Variants in DROSHA observed in about 807,000 individuals in gnomAD.
The protein encoded by DROSHA is drosha ribonuclease III.
In DROSHA, 56 loss-of-function variants were observed where a neutral mutation model predicts 181.9. The ratio of observed to expected loss-of-function variants is 0.31; its 90% CI spans 0.25 to 0.38. The LOEUF (loss-of-function observed/expected upper bound fraction) is 0.38. DROSHA is among the 10% of genes least tolerant of loss of function. The pLI is 1.00. For missense variants in DROSHA, 1,218 were observed against 1,743.5 expected (o/e 0.70, Z 5.37); for synonymous variants, 524 against 591.2 (o/e 0.89, Z 1.65).
Position 31,526,164 on chromosome 5 carries a change from C to G in DROSHA, c.769G>C (p.Asp257His), listed in dbSNP as rs545917535. The G allele has an allele frequency of 1.2e-6, 2 of 1,613,752 alleles. No individual in the cohort carries two copies. Among genetic ancestry groups the G allele is most frequent in the Admixed American group, 1.7e-5 (1 of 60,006 alleles). ...LDRRERGRSPDRRRQDSRYRS... is the reference protein window; with the variant it reads ...LDRRERGRSPHRRRQDSRYRS... ...TACCGGCTGTCTTGTCTTCTCCTGT[C>G]GGGACTGCGGCCTCGCTCCCGCCGA... Residue 257 changes from aspartate (D) to histidine (H), a missense_variant, in exon 5 of 36, where the codon GAC (aspartate) becomes CAC (histidine). By Grantham distance (81) the Asp-to-His change is moderately conservative (BLOSUM62 -1). This residue lies in a region of DROSHA where 536 missense variants were observed against 535.4 expected (regional missense o/e 1.00). Transcript: ENST00000344624.
chr5:31,472,870 G>C (rs987233180), intron 16 of DROSHA, among the ~76,000 whole-genome samples: 2 of 151,964 alleles, frequency 1.3e-5, no homozygotes, highest in African/African-American at 4.8e-5. Context: ...CAAGTACAGG[G>C]GATAAAAATA....
chr5:31,475,266 C>T (rs11959123), intron 16 of DROSHA, among the ~76,000 whole-genome samples: 6,458 of 152,110 alleles, frequency 0.042, 455 homozygotes, highest in African/African-American at 0.15. Context: ...TGCAGTGAGC[C>T]GTAACTGTGC....
chr5:31,508,652 T>A lies in DROSHA; in HGVS notation c.1556A>T (p.His519Leu). ...TGGATCGTTGTACCAAAGTTCATCA[T>A]GAAGTCGGTCAGGGTGGGCCTTTTT... Reference protein sequence around the residue: ...KRKKAHPDRLHDELWYNDPGQ... With the variant: ...KRKKAHPDRLLDELWYNDPGQ... Residue 519 changes from histidine (H) to leucine (L), a missense_variant, in exon 10 of 36, where the codon CAT (histidine) becomes CTT (leucine). His to Leu is a moderately conservative substitution (Grantham distance 99, BLOSUM62 -3). Transcript: ENST00000344624. 1 of 1,613,976 alleles carries A rather than the reference T, an allele frequency of 6.2e-7. No homozygotes were observed.
Position 31,435,838 on chromosome 5 carries a change from C to A in DROSHA, c.2969G>T (p.Ser990Ile), listed in dbSNP as rs1744718981. 6.2e-7 allele frequency: 1 copy of A among 1,613,242 alleles called. No homozygotes were observed. ...GGTTGCTAATCCTCCTTCTTCCAGA[C>A]TAGGAAACAAATAGTACAAATGGAC... ...TSVHLYYLFPSLEEGGLATYR... is the reference protein window; with the variant it reads ...TSVHLYYLFPILEEGGLATYR... Residue 990 changes from serine to isoleucine, a missense_variant, in exon 25 of 36, where the codon AGT becomes ATT. By Grantham distance (142) the Ser-to-Ile change is moderately radical. Coordinates refer to ENST00000344624, the MANE Select transcript of DROSHA (RefSeq NM_001382508.1).
chr5:31,477,769 C>T (rs961098121), intron 16 of DROSHA, among the ~76,000 whole-genome samples: 13 of 152,264 alleles, frequency 8.5e-5, no homozygotes, highest in Admixed American at 7.9e-4. Flanking sequence ...CAGAATAAAA[C>T]CTTATACTCA....
chr5:31,496,560 T>C (rs1457204042), intron 11 of DROSHA, among the ~76,000 whole-genome samples: 1 of 152,260 alleles, frequency 6.6e-6, no homozygotes, highest in Non-Finnish European at 1.5e-5. Flanking sequence ...TGTTCCTTCC[T>C]GAACTTTACA....
rs190168744 is a variant in DROSHA, at chr5:31,529,714, G to A, written c.-46-609C>T. ...GGCGCCACTGCATTCCAGCCTGGGC[G>A]ACAGTCTCAAAAAAACAAACAAAAA... On this transcript the variant is annotated intron_variant, in intron 3 of 35. Transcript: ENST00000344624. 5.4e-3 allele frequency among the ~76,000 whole-genome samples: 720 copies of A among 132,944 alleles called. 2 individuals carry two copies. Among genetic ancestry groups the A allele is most frequent in the Non-Finnish European group, 8.4e-3 (546 of 64,870 alleles). 87.2% of individuals were successfully genotyped at this position (132,944 alleles called of 152,430 possible).
chr5:31,487,971 G>C (rs1331737985), intron 13 of DROSHA, among the ~76,000 whole-genome samples: 1 of 151,958 alleles, frequency 6.6e-6, no homozygotes. Flanking sequence ...TATCTTAAGA[G>C]GTAAAGATGT....
chr5:31,488,413 CAAAAAAAA>C (rs746732224), intron 13 of DROSHA, among the ~76,000 whole-genome samples: 198 of 63,798 alleles, frequency 3.1e-3, no homozygotes, highest in African/African-American at 0.01. Context: ...ACTCTATCAC[CAAAAAAAA>C]AAAAAAAAAA....
chr5:31,420,496 A>C (rs1391693802), intron 30 of DROSHA, among the ~76,000 whole-genome samples: 3 of 152,256 alleles, frequency 2.0e-5, no homozygotes, highest in Admixed American at 6.5e-5. Flanking sequence ...AAGTTTTATA[A>C]AATGAAACCA....
At chr5:31,475,638 T>C (rs1316182544) in intron 16 of DROSHA, among the ~76,000 whole-genome samples, 2 of 152,104 alleles carry the variant, frequency 1.3e-5, no homozygotes, top group East Asian at 3.9e-4. Context: ...AAGAAGAAAA[T>C]AGTTTTTGGC....
intron 13 of DROSHA, among the ~76,000 whole-genome samples, chr5:31,487,124 C>T (rs910447748): frequency 6.6e-6 from 1 of 152,172 alleles, no homozygotes; most frequent in Non-Finnish European, 1.5e-5. Flanking sequence ...AAATGCTTCA[C>T]AATATTCATT....
chr5:31,473,873 G>A (rs541758687), intron 16 of DROSHA, among the ~76,000 whole-genome samples: 115 of 152,254 alleles, frequency 7.6e-4, no homozygotes, highest in Non-Finnish European at 7.4e-4. Flanking sequence ...ATGTGAGAGA[G>A]GCAGCAGGGA....
At chr5:31,437,513 G>A (rs607053) in intron 23 of DROSHA, among the ~76,000 whole-genome samples, 3,106 of 152,026 alleles carry the variant, frequency 0.02, 100 homozygotes, top group African/African-American at 0.07. Context: ...TTCATATCAC[G>A]GGGGTCAGGC....
rs377118179 is a variant in DROSHA at position 31,464,290 on chromosome 5, C to G, written c.2520G>C (p.Val840=). 1 of 1,613,290 alleles carries G rather than the reference C, an allele frequency of 6.2e-7. No homozygotes were observed. Among genetic ancestry groups the G allele is most frequent in the African/African-American group, 1.3e-5 (1 of 74,822 alleles). ...QKNTMRREVT[V]ELSSQGFWKT... is the part of the protein sequence containing the mutation. ...TCCAGAATCCTTGGCTACTTAGCTC[C>G]ACCGTTACTTCTCGTCTCATTGTAT... The change falls in exon 20 of 36, where the codon GTG becomes GTC. Residue 840 remains valine, a synonymous_variant. Transcript: ENST00000344624.
At chr5:31,431,901 T>A (rs1744226295) in intron 25 of DROSHA, among the ~76,000 whole-genome samples, 1 of 152,188 alleles carries the variant, frequency 6.6e-6, no homozygotes, top group Non-Finnish European at 1.5e-5. Flanking sequence ...AACAGGCTTC[T>A]ACAAACTCCA....
chr5:31,448,647 T>C, intron 22 of DROSHA, 40 bp from the exon 23 acceptor site: 1 of 1,489,800 alleles, frequency 6.7e-7, no homozygotes, highest in East Asian at 2.3e-5. Context: ...TAAATACGGA[T>C]AGAAGAATTA....
chr5:31,526,786 C>T lies in DROSHA; in HGVS notation c.147G>A (p.Val49=). 1 of 1,608,512 alleles carries T rather than the reference C, an allele frequency of 6.2e-7. No homozygotes were observed. Among genetic ancestry groups the T allele is most frequent in the South Asian group, 1.1e-5 (1 of 90,196 alleles). ...CACTTGGAGGTTCATATTGATATTG[C>T]ACAGGAGGCTGCTGAGGGTGAAGCA... ...LRLLHPQQPP[V]QYQYEPPSAP... Residue 49 remains valine, a synonymous_variant, in exon 5 of 36, where the codon GTG becomes GTA. Transcript: ENST00000344624.
At chr5:31,493,412 G>A (rs1752617591) in intron 12 of DROSHA, 119 bp from the exon 13 acceptor site, 3 of 793,050 alleles carry the variant, frequency 3.8e-6, no homozygotes, top group African/African-American at 1.8e-5. Context: ...CAGACACCAG[G>A]GAGAACTTTA....
Sources: gnomAD v4.1 joint callset for allele counts (sites outside exome capture counted in the v4.1 genomes callset) on GRCh38, gnomAD v4.1.1 for gene constraint, gnomAD v4.1.1 regional missense constraint, MANE v1.5 for transcripts, NCBI Gene and HGNC (gene_info 2026-07-23, HGNC 2026-07-21) for gene names.